Variants in TMEM178B observed in about 807,000 individuals in gnomAD.
The protein encoded by TMEM178B is transmembrane protein 178B.
Under a neutral mutation model 31.0 loss-of-function variants are expected in TMEM178B, and 5 were observed. The ratio of observed to expected loss-of-function variants is 0.16; its 90% confidence interval spans 0.08 to 0.34. The LOEUF (loss-of-function observed/expected upper bound fraction) is 0.34. TMEM178B is among the 10% of genes least tolerant of loss of function. The pLI, the probability that TMEM178B is intolerant of heterozygous loss-of-function variation, is 1.00. For missense variants in TMEM178B, 275 were observed against 400.3 expected (o/e 0.69, Z 2.67); for synonymous variants, 164 against 164.0 (o/e 1.00, Z 0.00).
chr7:141,204,731 C>A (rs1796934877), intron 1 of TMEM178B, among the ~76,000 whole-genome samples: 1 of 152,218 alleles, frequency 6.6e-6, no homozygotes, highest in African/African-American at 2.4e-5. Flanking sequence ...GATCAAATAG[C>A]AGGCCTTGAT....
chr7:141,416,432 T>C (rs974557945), intron 2 of TMEM178B: 3 of 152,654 alleles, frequency 2.0e-5, no homozygotes, highest in Admixed American at 2.0e-4. Context: ...CTCCATGAGC[T>C]AGTTTCAGAG....
chr7:141,149,981 G>T, intron 1 of TMEM178B, among the ~76,000 whole-genome samples: 1 of 152,180 alleles, frequency 6.6e-6, no homozygotes, highest in East Asian at 1.9e-4. Context: ...GACAGGATTT[G>T]TTGATGGGTG....
intron 1 of TMEM178B, among the ~76,000 whole-genome samples, chr7:141,154,732 T>C (rs1465328619): frequency 2.9e-5 from 4 of 137,934 alleles, no homozygotes; most frequent in Admixed American, 7.2e-5. Context: ...ACTTGTTAAC[T>C]TTTTTTTTTT....
chr7:141,144,831 C>T (rs1795826111), intron 1 of TMEM178B, among the ~76,000 whole-genome samples: 1 of 152,050 alleles, frequency 6.6e-6, no homozygotes, highest in Admixed American at 6.5e-5. Flanking sequence ...GCAAGCCAGA[C>T]CCGAGGCTGA....
chr7:141,454,595 C>CTCCTCTCCT (rs1296199294), intron 3 of TMEM178B, among the ~76,000 whole-genome samples: 4 of 137,208 alleles, frequency 2.9e-5, no homozygotes, highest in African/African-American at 1.2e-4. Context: ...TCTCCTCTCT[C>CTCCTCTCCT]TCCTCTCCTT....
downstream of TMEM178B, among the ~76,000 whole-genome samples, chr7:141,480,592 G>A (rs573993484): frequency 1.3e-5 from 2 of 152,356 alleles, no homozygotes; most frequent in African/African-American, 4.8e-5. Context: ...ATGTTGGGTG[G>A]AAGGAGAAAA....
chr7:141,109,525 T>C (rs1327512184), intron 1 of TMEM178B, among the ~76,000 whole-genome samples: 2 of 152,200 alleles, frequency 1.3e-5, no homozygotes, highest in African/African-American at 2.4e-5. Context: ...TTCTTCAGTA[T>C]ACTTAATTCA....
intron 1 of TMEM178B, among the ~76,000 whole-genome samples, chr7:141,079,925 T>G (rs1333839354): frequency 6.6e-6 from 1 of 152,234 alleles, no homozygotes; most frequent in African/African-American, 2.4e-5. Flanking sequence ...GGTGTCAGAA[T>G]TTGAATTCTG....
chr7:141,449,318 AGAG>A (rs1029715129), intron 3 of TMEM178B, among the ~76,000 whole-genome samples: 31 of 152,168 alleles, frequency 2.0e-4, no homozygotes, highest in African/African-American at 6.7e-4. Context: ...GTCAAAGCAA[AGAG>A]GAGTTTTCTC....
In TMEM178B at chr7:141,369,331, GTGTGTGTGTGTGTGTGTGTGTGTGTGTA is replaced by G. The variant is rs1290737749; in HGVS notation, c.497-68265_497-68238del. 2.0e-5 allele frequency among the ~76,000 whole-genome samples: 3 copies of G among 150,258 alleles called. No individual in the cohort carries two copies. The East Asian group carries it at 6.0e-4, about 30-fold the overall frequency. On this transcript the variant is annotated intron_variant, in intron 2 of 3. Coordinates refer to ENST00000565468, the MANE Select transcript of TMEM178B (RefSeq NM_001195278.2). ...TCCGCGCCGACGTGTGTGTGTGTGT[GTGTGTGTGTGTGTGTGTGTGTGTGTGTA>G]TGTGTGTGTGTTTATGTAGAGGAGA...
chr7:141,321,945 C>A (rs954689434), intron 2 of TMEM178B, among the ~76,000 whole-genome samples: 1 of 152,026 alleles, frequency 6.6e-6, no homozygotes, highest in Non-Finnish European at 1.5e-5. Flanking sequence ...CCAAAGGCAG[C>A]CTGTGCTCAT....
intron 2 of TMEM178B, among the ~76,000 whole-genome samples, chr7:141,253,836 G>T (rs1451096763): frequency 6.6e-6 from 1 of 151,956 alleles, no homozygotes; most frequent in Non-Finnish European, 1.5e-5. Context: ...ACAGGCGTGA[G>T]CCACCGCGCC....
chr7:141,474,645 C>T lies in TMEM178B; in HGVS notation c.*3859C>T, dbSNP rs768023410. 9.2e-5 allele frequency: 14 copies of T among 152,170 alleles called. No homozygotes were observed. The highest frequency in any genetic ancestry group is 1.6e-4 in the Non-Finnish European group (11 of 68,038). 9.4% of individuals were successfully genotyped at this position (152,170 alleles called of 1,614,324 possible). On this transcript the variant is annotated 3_prime_UTR_variant, in exon 4 of 4. Coordinates refer to ENST00000565468, the MANE Select transcript of TMEM178B (RefSeq NM_001195278.2). ...TCCCATCAGGGATGAGTGGTCCCAC[C>T]TAGCAATGCTTGCCTCTCCTGTGAC...
intron 1 of TMEM178B, among the ~76,000 whole-genome samples, chr7:141,185,443 G>A (rs1341719266): frequency 6.6e-6 from 1 of 152,254 alleles, no homozygotes. Flanking sequence ...GCTCTCCTCC[G>A]ACTGCCCTGG....
rs1001816263 is a variant in TMEM178B, at chr7:141,469,384, A to G, written c.635-1152A>G. Among the ~76,000 whole-genome samples, 132 of 152,258 alleles carry G rather than the reference A, an allele frequency of 8.7e-4. 1 individual carries two copies. The highest frequency in any genetic ancestry group is 3.1e-3 in the African/African-American group (128 of 41,538). On this transcript the variant is annotated intron_variant, in intron 3 of 3. Transcript: ENST00000565468. Reference sequence around the variant, plus strand: ...CTGGTGAGCCTCATTCTTCCACTCTATATTTTCTTCCTTGTCTTCCAGGAA... The same window carrying G: ...CTGGTGAGCCTCATTCTTCCACTCTGTATTTTCTTCCTTGTCTTCCAGGAA...
At position 141,476,236 on chromosome 7, in the gene TMEM178B, T is replaced by C. The variant is rs1802362618; in HGVS notation, c.*5450T>C. On this transcript the variant is annotated 3_prime_UTR_variant, in exon 4 of 4. Coordinates refer to ENST00000565468, the MANE Select transcript of TMEM178B (RefSeq NM_001195278.2). ...CACACTTAAAGGATTCTATTCTTCA[T>C]TCAGGTCCCCCAGAGAAATTGGCTC... The C allele has an allele frequency of 6.6e-6, 1 of 152,184 alleles. No individual in the cohort carries two copies. The highest frequency in any genetic ancestry group is 1.5e-5 in the Non-Finnish European group (1 of 68,032). 9.4% of individuals were successfully genotyped at this position (152,184 alleles called of 1,614,324 possible).
intron 2 of TMEM178B, among the ~76,000 whole-genome samples, chr7:141,404,253 C>T (rs987538919): frequency 3.9e-5 from 6 of 152,116 alleles, no homozygotes; most frequent in African/African-American, 1.2e-4. Context: ...TGCAATGAGC[C>T]GAGATCATGC....
At chr7:141,203,479 G>A (rs574294849) in intron 1 of TMEM178B, among the ~76,000 whole-genome samples, 2 of 152,310 alleles carry the variant, frequency 1.3e-5, no homozygotes, top group African/African-American at 4.8e-5. Context: ...GGACATGGAC[G>A]ATGTCCCTTC....
chr7:141,427,707 G>A (rs115383431), intron 2 of TMEM178B, among the ~76,000 whole-genome samples: 208 of 151,950 alleles, frequency 1.4e-3, no homozygotes, highest in African/African-American at 4.8e-3. Flanking sequence ...TCAACGAATG[G>A]GATCAAACTA....
Sources: allele counts gnomAD v4.1 joint callset (sites outside exome capture counted in the v4.1 genomes callset), GRCh38; gene constraint gnomAD v4.1.1; transcripts MANE v1.5; gene names NCBI Gene and HGNC (gene_info 2026-07-23, HGNC 2026-07-21).